DRC11: variants seen among roughly 807,000 people sequenced by gnomAD.
DRC11 encodes the protein IQ and AAA domain-containing protein 1.
At chr2:236,414,538 C>T in the DRC11 span, among the ~76,000 whole-genome samples, 1 of 152,100 alleles carries the variant, frequency 6.6e-6, no homozygotes, top group Admixed American at 6.6e-5. Context: ...GTTGCCCAGG[C>T]TGGGTGCCAA....
the DRC11 span, among the ~76,000 whole-genome samples, chr2:236,471,927 A>G: frequency 6.6e-6 from 1 of 152,206 alleles, no homozygotes; most frequent in Admixed American, 6.5e-5. This position sits in a 1 kb window ranked among gnomAD's most constrained non-coding sequence, Gnocchi z 4.6. Flanking sequence ...TCCTGGGCTC[A>G]GGGGACAAAC....
the DRC11 span, chr2:236,331,665 C>A: frequency 4.2e-6 from 5 of 1,195,272 alleles, no homozygotes; most frequent in Non-Finnish European, 6.1e-6. This position sits in a 1 kb window ranked among gnomAD's most constrained non-coding sequence, Gnocchi z 4.8. Context: ...GTTTCCCTCT[C>A]GGTTGAAAGT....
At chr2:236,395,527 G>A in the DRC11 span, among the ~76,000 whole-genome samples, 7 of 152,294 alleles carry the variant, frequency 4.6e-5, no homozygotes, top group Admixed American at 4.6e-4. Flanking sequence ...CCAAAGGCCC[G>A]GAGAGTTTAC....
the DRC11 span, among the ~76,000 whole-genome samples, chr2:236,443,903 T>C: frequency 6.6e-6 from 1 of 152,308 alleles, no homozygotes; most frequent in East Asian, 1.9e-4. This position sits in a 1 kb window ranked among gnomAD's most constrained non-coding sequence, Gnocchi z 4.4. Context: ...TGAGATGGTA[T>C]CTCGTGATTT....
chr2:236,485,360 G>A, the DRC11 span, among the ~76,000 whole-genome samples: 1 of 151,602 alleles, frequency 6.6e-6, no homozygotes, highest in Non-Finnish European at 1.5e-5. Flanking sequence ...GCCTCACCAG[G>A]GCTCTGTATG....
the DRC11 span, chr2:236,331,799 AATGACCCT>A: frequency 5.2e-6 from 3 of 577,098 alleles, no homozygotes; most frequent in Non-Finnish European, 9.3e-6. This position sits in a 1 kb window ranked among gnomAD's most constrained non-coding sequence, Gnocchi z 4.8. Context: ...CATACATATC[AATGACCCT>A]GAGGTCTATA....
At chr2:236,422,458 C>G in the DRC11 span, among the ~76,000 whole-genome samples, 1 of 152,130 alleles carries the variant, frequency 6.6e-6, no homozygotes, top group African/African-American at 2.4e-5. Flanking sequence ...ACAATTGCTT[C>G]AAAGAGAATA....
the DRC11 span, among the ~76,000 whole-genome samples, chr2:236,358,344 T>G: frequency 7.3e-6 from 1 of 137,016 alleles, no homozygotes; most frequent in South Asian, 2.1e-4. Flanking sequence ...GATATATAGA[T>G]ATATACTATA....
the DRC11 span, among the ~76,000 whole-genome samples, chr2:236,322,939 A>G: frequency 1.3e-5 from 2 of 152,198 alleles, no homozygotes; most frequent in South Asian, 4.1e-4. Flanking sequence ...CTTTTCCATC[A>G]TTGCAGAAAG....
At chr2:236,422,050 C>T in the DRC11 span, among the ~76,000 whole-genome samples, 152 of 152,196 alleles carry the variant, frequency 1.0e-3, no homozygotes, top group South Asian at 3.5e-3. Context: ...ATCGATGGGA[C>T]GTATTTCAAA....
chr2:236,437,698 C>A, the DRC11 span, among the ~76,000 whole-genome samples: 2 of 151,390 alleles, frequency 1.3e-5, no homozygotes, highest in African/African-American at 2.4e-5. Flanking sequence ...GCCAGTGATG[C>A]TGAGCATTTT....
At chr2:236,451,582 C>T in the DRC11 span, among the ~76,000 whole-genome samples, 17 of 152,168 alleles carry the variant, frequency 1.1e-4, no homozygotes, top group South Asian at 2.1e-4. Context: ...AAAAATAAGA[C>T]GAGTAATTTT....
chr2:236,459,175 G>C, the DRC11 span, among the ~76,000 whole-genome samples: 1 of 151,986 alleles, frequency 6.6e-6, no homozygotes, highest in Admixed American at 6.6e-5. Flanking sequence ...ACACCCAAAA[G>C]GGAAGCCCAT....
chr2:236,345,131 G>A, the DRC11 span, among the ~76,000 whole-genome samples: 180 of 67,442 alleles, frequency 2.7e-3, no homozygotes, highest in Non-Finnish European at 4.4e-3. Flanking sequence ...GGTGTGCAGA[G>A]CCCTGGTTGT....
At chr2:236,487,906 G>GAA in the DRC11 span, 1 of 736,904 alleles carries the variant, frequency 1.4e-6, no homozygotes, top group African/African-American at 1.8e-5. Context: ...GTAGGATTTG[G>GAA]TGTTTGAGTT....
the DRC11 span, among the ~76,000 whole-genome samples, chr2:236,426,686 C>T: frequency 6.6e-6 from 1 of 152,152 alleles, no homozygotes; most frequent in African/African-American, 2.4e-5. This position sits in a 1 kb window ranked among gnomAD's most constrained non-coding sequence, Gnocchi z 4.1. Flanking sequence ...GGATTACAGG[C>T]GTGAGCCACC....
the DRC11 span, among the ~76,000 whole-genome samples, chr2:236,494,138 A>G: frequency 7.4e-4 from 112 of 152,344 alleles, no homozygotes; most frequent in African/African-American, 2.7e-3. The surrounding 1 kb of genome is among the most constrained non-coding windows in gnomAD (Gnocchi z 4.2). Flanking sequence ...GTTCACATCA[A>G]TTAGGCCTCA....
chr2:236,459,764 T>C, the DRC11 span, among the ~76,000 whole-genome samples: 9 of 151,286 alleles, frequency 5.9e-5, no homozygotes, highest in Non-Finnish European at 1.0e-4. Context: ...ATGGTAGCTA[T>C]CTCTATATCC....
At chr2:236,402,067 C>T in the DRC11 span, among the ~76,000 whole-genome samples, 4 of 152,196 alleles carry the variant, frequency 2.6e-5, no homozygotes, top group Admixed American at 6.5e-5. This position sits in a 1 kb window ranked among gnomAD's most constrained non-coding sequence, Gnocchi z 6.0. Flanking sequence ...CTCCCCAGTG[C>T]GTGCCCCAGG....
Sources: gnomAD v4.1 joint callset for allele counts (sites outside exome capture counted in the v4.1 genomes callset) on GRCh38, gnomAD v4.1.1 for gene constraint, Gnocchi (gnomAD v3.1) non-coding constraint, MANE v1.5 for transcripts, NCBI Gene and HGNC (gene_info 2026-07-23, HGNC 2026-07-21) for gene names.